Variants in ROBO2 observed in about 807,000 individuals in gnomAD.
The protein encoded by ROBO2 is roundabout guidance receptor 2, also known as roundabout homolog 2.
In ROBO2, 53 loss-of-function variants were observed where a neutral mutation model predicts 160.8. That is an observed-to-expected ratio of 0.33 (90% CI 0.26 to 0.41). ROBO2 has a LOEUF of 0.41. ROBO2 is among the 10% of genes least tolerant of loss of function. The pLI is 1.00. For synonymous variants in ROBO2, 664 were observed against 611.7 expected, an observed-to-expected ratio of 1.09 and a Z score of -1.26; for missense variants, 1,577 against 1,722.4, an observed-to-expected ratio of 0.92 and a Z score of 1.49.
chr3:76,225,385 T>A (rs145626829), intron 2 of ROBO2, among the ~76,000 whole-genome samples: 2,906 of 152,298 alleles, frequency 0.019, 93 homozygotes, highest in African/African-American at 0.067. Flanking sequence ...TGAATTAAAT[T>A]GTATTCTTAG....
chr3:77,107,402 A>G (rs1257899221), intron 2 of ROBO2, among the ~76,000 whole-genome samples: 5 of 152,188 alleles, frequency 3.3e-5, no homozygotes, highest in African/African-American at 1.2e-4. Context: ...AGTAGAGAAA[A>G]GGCTGTTCTT....
At chr3:76,432,458 T>C (rs1379325376) in intron 2 of ROBO2, among the ~76,000 whole-genome samples, 1 of 152,104 alleles carries the variant, frequency 6.6e-6, no homozygotes. Flanking sequence ...CTCAAGGTCT[T>C]TGATGAGGTT....
At chr3:76,410,475 T>C (rs1173320317) in intron 2 of ROBO2, among the ~76,000 whole-genome samples, 1 of 152,170 alleles carries the variant, frequency 6.6e-6, no homozygotes, top group African/African-American at 2.4e-5. Context: ...AAAATGTGTG[T>C]GAATGTGTTT....
chr3:76,442,432 C>T (rs765479547), intron 2 of ROBO2, among the ~76,000 whole-genome samples: 6 of 152,012 alleles, frequency 3.9e-5, no homozygotes, highest in Admixed American at 6.6e-5. Context: ...AACTACCGTG[C>T]GTTATTCTTT....
intron 2 of ROBO2, among the ~76,000 whole-genome samples, chr3:76,913,186 A>C (rs1010116208): frequency 6.6e-6 from 1 of 152,146 alleles, no homozygotes; most frequent in Admixed American, 6.5e-5. Context: ...CCTCTTTCAA[A>C]ATGTGCCCCT....
At chr3:76,342,622 A>G (rs546706606) in intron 2 of ROBO2, among the ~76,000 whole-genome samples, 1 of 152,260 alleles carries the variant, frequency 6.6e-6, no homozygotes, top group South Asian at 2.1e-4. Context: ...ACCTGTATAT[A>G]TCCTTACAAA....
At chr3:77,578,705 T>G (rs2093832681) in intron 15 of ROBO2, among the ~76,000 whole-genome samples, 1 of 152,088 alleles carries the variant, frequency 6.6e-6, no homozygotes, top group South Asian at 2.1e-4. Context: ...ACAATAATTA[T>G]ATAGATTCTA....
rs560382926 is a variant in ROBO2 at position 76,068,927 on chromosome 3, C to A, written c.109+131325C>A. On this transcript the variant is annotated intron_variant, in intron 2 of 26. Coordinates refer to the ROBO2 transcript ENST00000487694. ...GTTCCAGGACACAATATTGTCAATT[C>A]TGTTTACCTTATTAGCTGCTGCTTC... 3.9e-5 allele frequency among the ~76,000 whole-genome samples: 6 copies of A among 152,288 alleles called. No homozygotes were observed. The South Asian group carries it at 1.2e-3, about 32-fold the overall frequency.
At chr3:77,530,240 C>T (rs192765342) in intron 6 of ROBO2, among the ~76,000 whole-genome samples, 36 of 152,020 alleles carry the variant, frequency 2.4e-4, no homozygotes, top group South Asian at 1.0e-3. Context: ...AGAGAAATTT[C>T]AGATCATAGT....
At chr3:76,243,460 T>G (rs999285745) in intron 2 of ROBO2, among the ~76,000 whole-genome samples, 1 of 152,182 alleles carries the variant, frequency 6.6e-6, no homozygotes, top group Admixed American at 6.5e-5. Flanking sequence ...CATTATCACT[T>G]ATATTACAAA....
At chr3:76,393,858 T>G (rs191707098) in intron 2 of ROBO2, among the ~76,000 whole-genome samples, 11 of 152,182 alleles carry the variant, frequency 7.2e-5, no homozygotes, top group Admixed American at 3.3e-4. Context: ...TATTTGTATA[T>G]GTATTATGCA....
chr3:76,657,678 A>ACATATATGTGTGTATATATATT (rs1560319347), intron 2 of ROBO2, among the ~76,000 whole-genome samples: 9 of 43,506 alleles, frequency 2.1e-4, no homozygotes, highest in Admixed American at 4.1e-4. Context: ...GTATATATAT[A>ACATATATGTGTGTATATATATT]CATATATGTG....
rs543544112 is a variant in ROBO2, at chr3:76,505,276, C to T, written c.109+567674C>T. 3.3e-5 allele frequency among the ~76,000 whole-genome samples: 5 copies of T among 152,084 alleles called. No individual in the cohort carries two copies. In the East Asian group the frequency reaches 9.7e-4, roughly 29 times the overall value. ...CACAGATTAGTTAGATTTTCTGGAA[C>T]AACCAGGCAAAAACCATCGGTTGTT... On this transcript the variant is annotated intron_variant, in intron 2 of 26. Transcript: ENST00000487694.
chr3:76,805,257 C>T (rs1051004900), intron 2 of ROBO2, among the ~76,000 whole-genome samples: 46 of 151,994 alleles, frequency 3.0e-4, no homozygotes, highest in Non-Finnish European at 5.9e-4. Flanking sequence ...TTTTTCTGCT[C>T]TACTTCACCT....
intron 2 of ROBO2, among the ~76,000 whole-genome samples, chr3:77,331,862 C>A (rs926684939): frequency 6.6e-6 from 1 of 152,066 alleles, no homozygotes. Flanking sequence ...CGTGCCACCA[C>A]GCCCAGCTAA....
chr3:76,272,991 A>G (rs1178219053), intron 2 of ROBO2, among the ~76,000 whole-genome samples: 1 of 89,928 alleles, frequency 1.1e-5, no homozygotes, highest in East Asian at 2.8e-4. Context: ...AATATATAAT[A>G]TATAATTTAT....
chr3:77,116,510 C>T (rs1034327948), intron 2 of ROBO2, among the ~76,000 whole-genome samples: 5 of 151,862 alleles, frequency 3.3e-5, no homozygotes, highest in Non-Finnish European at 7.4e-5. Context: ...TTCCTTGGCT[C>T]CTTCTCCATT....
At chr3:76,197,265 T>A (rs907607035) in intron 2 of ROBO2, among the ~76,000 whole-genome samples, 2 of 149,144 alleles carry the variant, frequency 1.3e-5, no homozygotes, top group African/African-American at 5.1e-5. Flanking sequence ...AATCAATCTC[T>A]CTATAGATTT....
intron 2 of ROBO2, among the ~76,000 whole-genome samples, chr3:77,421,009 A>C (rs2077663822): frequency 6.6e-6 from 1 of 152,156 alleles, no homozygotes; most frequent in South Asian, 2.1e-4. Context: ...GTATTCCCTG[A>C]AAATTGTCTA....
Sources: allele counts gnomAD v4.1 joint callset (sites outside exome capture counted in the v4.1 genomes callset), GRCh38; gene constraint gnomAD v4.1.1; transcripts MANE v1.5; gene names NCBI Gene and HGNC (gene_info 2026-07-23, HGNC 2026-07-21).